The following RIMS2 variants were observed in gnomAD, a reference collection of about 807,000 sequenced individuals.
RIMS2 encodes the protein regulating synaptic membrane exocytosis 2, also known as regulating synaptic membrane exocytosis protein 2.
Under a neutral mutation model 174.4 loss-of-function variants are expected in RIMS2, and 59 were observed. The observed-to-expected ratio is 0.34, with a 90% CI of 0.27 to 0.42. RIMS2 has a LOEUF of 0.42. Among genes scored for constraint, RIMS2 ranks in the 10% least tolerant of loss-of-function variants. RIMS2 has a pLI of 1.00. For synonymous variants in RIMS2, 606 were observed against 572.5 expected (o/e 1.06, Z -0.84); for missense variants, 1,620 against 1,666.3 (o/e 0.97, Z 0.48).
chr8:104,152,340 TC>T (rs1360783173), intron 19 of RIMS2, among the ~76,000 whole-genome samples: 1 of 152,152 alleles, frequency 6.6e-6, no homozygotes, highest in Admixed American at 6.5e-5. Flanking sequence ...TCATACCTAC[TC>T]CCCTTAATAG....
chr8:103,606,475 C>T (rs1173451663), intron 1 of RIMS2, among the ~76,000 whole-genome samples: 1 of 152,088 alleles, frequency 6.6e-6, no homozygotes, highest in African/African-American at 2.4e-5. Context: ...AATGTATATT[C>T]TGTTGATTTG....
chr8:103,608,171 G>A (rs1182239750), intron 1 of RIMS2, among the ~76,000 whole-genome samples: 1 of 145,176 alleles, frequency 6.9e-6, no homozygotes, highest in Non-Finnish European at 1.5e-5. Flanking sequence ...GTACAGATGG[G>A]TTTTTGGTGT....
Position 104,102,654 on chromosome 8 carries a change from G to T in RIMS2, c.3334+88039G>T, listed in dbSNP as rs570922508. 2.0e-5 allele frequency among the ~76,000 whole-genome samples: 3 copies of T among 152,300 alleles called. No individual in the cohort carries two copies. In the East Asian group the frequency reaches 5.8e-4, roughly 29 times the overall value. ...ATGCCTGGGGAGGCCTCACAATCAT[G>T]GAGGAAGTTCAGTGAAGGAGGAGAA... On this transcript the variant is annotated intron_variant, in intron 19 of 23. Coordinates refer to ENST00000504942, the Ensembl canonical transcript of RIMS2.
At chr8:103,597,878 C>G (rs67217645) in intron 1 of RIMS2, among the ~76,000 whole-genome samples, 27,705 of 151,854 alleles carry the variant, frequency 0.18, 2,775 homozygotes, top group African/African-American at 0.26. Flanking sequence ...TAATTAAGAA[C>G]AAAGATGTAA....
chr8:104,024,309 G>A (rs2096194444), intron 19 of RIMS2, among the ~76,000 whole-genome samples: 1 of 152,116 alleles, frequency 6.6e-6, no homozygotes. Flanking sequence ...CCTTGATTTA[G>A]AATCAAAGAC....
At chr8:103,708,459 C>T (rs1047639016) in intron 2 of RIMS2, among the ~76,000 whole-genome samples, 1 of 152,112 alleles carries the variant, frequency 6.6e-6, no homozygotes, top group Non-Finnish European at 1.5e-5. Context: ...CTTGTTATTA[C>T]GCTAAAACTA....
chr8:103,662,494 C>T (rs2096613893), intron 1 of RIMS2, among the ~76,000 whole-genome samples: 1 of 152,062 alleles, frequency 6.6e-6, no homozygotes, highest in African/African-American at 2.4e-5. Flanking sequence ...ATGTCTTTTT[C>T]AAAGAAGTAC....
intron 1 of RIMS2, among the ~76,000 whole-genome samples, chr8:103,593,554 A>G (rs1716483919): frequency 6.6e-6 from 1 of 151,504 alleles, no homozygotes; most frequent in Non-Finnish European, 1.5e-5. Flanking sequence ...TTCCAATCAA[A>G]TATCTGTGTG....
intron 2 of RIMS2, among the ~76,000 whole-genome samples, chr8:103,750,199 T>C (rs556512317): frequency 6.6e-6 from 1 of 152,038 alleles, no homozygotes; most frequent in Non-Finnish European, 1.5e-5. Flanking sequence ...AAAATTTCCA[T>C]TAAAAATATA....
chr8:104,124,016 A>G (rs556634425), intron 19 of RIMS2, among the ~76,000 whole-genome samples: 1 of 152,316 alleles, frequency 6.6e-6, no homozygotes, highest in East Asian at 1.9e-4. Flanking sequence ...CTGTGCAATT[A>G]CACCAACTGC....
intron 3 of RIMS2, among the ~76,000 whole-genome samples, chr8:103,824,967 T>C (rs1415808043): frequency 6.6e-6 from 1 of 152,228 alleles, no homozygotes; most frequent in Non-Finnish European, 1.5e-5. Context: ...TGTTGGGTAG[T>C]ATTGAACATA....
intron 1 of RIMS2, among the ~76,000 whole-genome samples, chr8:103,603,774 T>C (rs568763470): frequency 6.2e-4 from 90 of 146,142 alleles, no homozygotes; most frequent in African/African-American, 2.2e-3. Context: ...TTTCATGTGT[T>C]TTTTGGCTGC....
intron 14 of RIMS2, among the ~76,000 whole-genome samples, chr8:103,959,936 T>G (rs2089306975): frequency 6.6e-6 from 1 of 151,752 alleles, no homozygotes; most frequent in African/African-American, 2.4e-5. Flanking sequence ...ACATCACAAT[T>G]AAAAGAACTA....
At chr8:103,865,719 GA>G (rs888497167) in intron 3 of RIMS2, among the ~76,000 whole-genome samples, 12 of 151,792 alleles carry the variant, frequency 7.9e-5, no homozygotes, top group African/African-American at 2.7e-4. Flanking sequence ...TTCATTATCA[GA>G]AAAAAACTTT....
chr8:104,052,836 TA>T (rs936783862), intron 19 of RIMS2, among the ~76,000 whole-genome samples: 8 of 151,578 alleles, frequency 5.3e-5, no homozygotes, highest in African/African-American at 1.9e-4. Context: ...TGGAATTAAA[TA>T]AAAAAACACT....
intron 3 of RIMS2, among the ~76,000 whole-genome samples, chr8:103,856,393 T>G (rs1202576405): frequency 6.6e-6 from 1 of 152,190 alleles, no homozygotes; most frequent in Non-Finnish European, 1.5e-5. Flanking sequence ...ATGTACAAGT[T>G]TTAACTTACT....
intron 17 of RIMS2, among the ~76,000 whole-genome samples, chr8:103,992,274 A>ATTTTTT (rs1186537194): frequency 6.4e-4 from 68 of 107,064 alleles, no homozygotes; most frequent in African/African-American, 8.0e-4. Flanking sequence ...ATGTCCAGCT[A>ATTTTTT]TTTTTTTTTT....
intron 1 of RIMS2, among the ~76,000 whole-genome samples, chr8:103,639,269 A>G (rs2096169320): frequency 6.6e-6 from 1 of 151,930 alleles, no homozygotes. Context: ...TTTAAATACA[A>G]TTTGATCAAT....
intron 1 of RIMS2, among the ~76,000 whole-genome samples, chr8:103,648,375 A>G (rs537652635): frequency 1.3e-5 from 2 of 151,970 alleles, no homozygotes; most frequent in East Asian, 3.9e-4. Context: ...TTTTAGTTAG[A>G]TAAAATTAAG....
Sources: gnomAD v4.1 joint callset for allele counts (sites outside exome capture counted in the v4.1 genomes callset) on GRCh38, gnomAD v4.1.1 for gene constraint, MANE v1.5 for transcripts, NCBI Gene and HGNC (gene_info 2026-07-23, HGNC 2026-07-21) for gene names.